The following TENM3 variants were observed in gnomAD, a reference collection of about 807,000 sequenced individuals.
The protein encoded by TENM3 is teneurin-3.
A neutral mutation model predicts 255.1 loss-of-function variants in TENM3; 63 were observed. That is an observed-to-expected ratio of 0.25 (90% CI 0.20 to 0.30). The LOEUF is 0.30. TENM3 is among the 10% of genes least tolerant of loss of function. TENM3 has a pLI of 1.00. For missense variants in TENM3, 2,929 were observed against 3,461.1 expected (o/e 0.85, Z 3.86); for synonymous variants, 1,306 against 1,322.3 (o/e 0.99, Z 0.27).
At chr4:181,924,907 T>C in the TENM3 span, among the ~76,000 whole-genome samples, 11 of 152,186 alleles carry the variant, frequency 7.2e-5, no homozygotes, top group African/African-American at 2.7e-4. Context: ...AAATAATAAA[T>C]AGATGTGGCA....
At chr4:181,849,078 C>T in the TENM3 span, among the ~76,000 whole-genome samples, 1 of 152,130 alleles carries the variant, frequency 6.6e-6, no homozygotes, top group African/African-American at 2.4e-5. Flanking sequence ...AACAGTACAA[C>T]CAAGCATTCA....
the TENM3 span, among the ~76,000 whole-genome samples, chr4:181,772,823 C>T: frequency 6.6e-6 from 1 of 152,068 alleles, no homozygotes; most frequent in Non-Finnish European, 1.5e-5. Flanking sequence ...TGAATTTTCA[C>T]CTTATTATAT....
intron 1 of TENM3, among the ~76,000 whole-genome samples, chr4:182,235,103 C>T (rs1022171035): frequency 6.6e-6 from 1 of 152,160 alleles, no homozygotes; most frequent in South Asian, 2.1e-4. Flanking sequence ...CACTCTGCCC[C>T]GCCATCTTTG....
intron 1 of TENM3, among the ~76,000 whole-genome samples, chr4:182,219,903 G>A (rs550974700): frequency 6.6e-6 from 1 of 152,116 alleles, no homozygotes; most frequent in African/African-American, 2.4e-5. Flanking sequence ...ATATTGTTTG[G>A]CAAGATTGTA....
chr4:181,810,669 A>G, the TENM3 span, among the ~76,000 whole-genome samples: 33 of 152,258 alleles, frequency 2.2e-4, no homozygotes, highest in East Asian at 2.5e-3. Flanking sequence ...AACAAAATGT[A>G]GACAGAAAAG....
chr4:182,515,631 GACTT>G (rs1437360865), intron 3 of TENM3, among the ~76,000 whole-genome samples: 1 of 152,130 alleles, frequency 6.6e-6, no homozygotes, highest in Non-Finnish European at 1.5e-5. Flanking sequence ...AGTTTGGAGA[GACTT>G]AATATCAACC....
intron 3 of TENM3, among the ~76,000 whole-genome samples, chr4:182,367,936 T>G (rs1766540964): frequency 6.6e-6 from 1 of 152,118 alleles, no homozygotes; most frequent in South Asian, 2.1e-4. Context: ...AACAGGTCAT[T>G]CAGTGACCAC....
intron 1 of TENM3, among the ~76,000 whole-genome samples, chr4:182,296,335 G>T (rs1212479053): frequency 1.3e-5 from 2 of 152,100 alleles, no homozygotes; most frequent in African/African-American, 4.8e-5. Flanking sequence ...ACTCTTTTAG[G>T]ATCTCTGATC....
At chr4:182,179,507 C>G (rs1269144240) in intron 1 of TENM3, among the ~76,000 whole-genome samples, 1 of 152,194 alleles carries the variant, frequency 6.6e-6, no homozygotes, top group Non-Finnish European at 1.5e-5. Context: ...CTGTTGCATA[C>G]TTTATCACAA....
At chr4:182,753,187 G>A (rs1349578990) in intron 20 of TENM3, among the ~76,000 whole-genome samples, 1 of 152,032 alleles carries the variant, frequency 6.6e-6, no homozygotes, top group African/African-American at 2.4e-5. Flanking sequence ...AGCTCAGGCA[G>A]TCCGCCTGCC....
chr4:181,465,948 C>T, the TENM3 span, among the ~76,000 whole-genome samples: 1 of 152,040 alleles, frequency 6.6e-6, no homozygotes, highest in Non-Finnish European at 1.5e-5. Flanking sequence ...TCTAAAATGA[C>T]TTATTTAAAA....
chr4:182,139,690 G>A (rs949378071), upstream of TENM3, among the ~76,000 whole-genome samples: 1 of 152,212 alleles, frequency 6.6e-6, no homozygotes, highest in East Asian at 1.9e-4. Flanking sequence ...AAAACCGAAA[G>A]TTCCACATGT....
the TENM3 span, among the ~76,000 whole-genome samples, chr4:181,936,045 T>C: frequency 4.6e-5 from 7 of 152,276 alleles, no homozygotes; most frequent in East Asian, 1.2e-3. Context: ...TAAATAGATA[T>C]TTATTACGGG....
the TENM3 span, among the ~76,000 whole-genome samples, chr4:181,597,076 TA>T: frequency 2.0e-5 from 3 of 151,476 alleles, no homozygotes; most frequent in Non-Finnish European, 4.4e-5. Flanking sequence ...AAATGAAAGT[TA>T]AAAAAAAACC....
chr4:182,012,448 T>C, the TENM3 span, among the ~76,000 whole-genome samples: 71,204 of 151,956 alleles, frequency 0.47, 17,279 homozygotes, highest in South Asian at 0.57. Flanking sequence ...GACCACGCAT[T>C]CTGAACCAAA....
intron 3 of TENM3, among the ~76,000 whole-genome samples, chr4:182,468,825 TG>T (rs1255485756): frequency 5.1e-3 from 10 of 1,966 alleles, no homozygotes; most frequent in Non-Finnish European, 0.013. Context: ...CCTGTGTGCT[TG>T]TGTGTGTGTG....
At chr4:182,274,310 G>A (rs939554536) in intron 1 of TENM3, among the ~76,000 whole-genome samples, 1 of 152,126 alleles carries the variant, frequency 6.6e-6, no homozygotes, top group African/African-American at 2.4e-5. Flanking sequence ...GGGCAAGGAC[G>A]GAGAGGCCTC....
the TENM3 span, among the ~76,000 whole-genome samples, chr4:181,982,483 C>T: frequency 1.3e-5 from 2 of 152,150 alleles, no homozygotes; most frequent in Non-Finnish European, 2.9e-5. Context: ...ACACAAGCTA[C>T]TTCCATTCAG....
chr4:182,509,520 A>G (rs1560848111), intron 3 of TENM3, among the ~76,000 whole-genome samples: 1 of 152,236 alleles, frequency 6.6e-6, no homozygotes, highest in African/African-American at 2.4e-5. Flanking sequence ...ACAATATTAC[A>G]TAGAATTTTA....
Sources: gnomAD v4.1 joint callset for allele counts (sites outside exome capture counted in the v4.1 genomes callset) on GRCh38, gnomAD v4.1.1 for gene constraint, MANE v1.5 for transcripts, NCBI Gene and HGNC (gene_info 2026-07-23, HGNC 2026-07-21) for gene names.